Variants in CFAP20DC observed in about 807,000 individuals in gnomAD.
CFAP20DC encodes protein CFAP20DC.
CFAP20DC carries 84 observed loss-of-function variants against 101.7 expected under a neutral mutation model. The ratio of observed to expected loss-of-function variants is 0.83; its 90% CI spans 0.69 to 0.99. The LOEUF is 0.99. Among genes scored for constraint, CFAP20DC ranks in the 50% least tolerant of loss-of-function variants. The pLI is 0.00. For synonymous variants in CFAP20DC, 359 were observed against 351.2 expected (o/e 1.02, Z -0.25); for missense variants, 1,007 against 970.3 (o/e 1.04, Z -0.50).
chr3:58,783,752 T>C (rs893761799), intron 15 of CFAP20DC, among the ~76,000 whole-genome samples: 4 of 152,082 alleles, frequency 2.6e-5, no homozygotes, highest in Admixed American at 2.6e-4. Context: ...AGATATCGTC[T>C]GACCCCAGTC....
chr3:58,775,853 C>T (rs1394303841), intron 15 of CFAP20DC, among the ~76,000 whole-genome samples: 3 of 150,734 alleles, frequency 2.0e-5, no homozygotes, highest in Non-Finnish European at 4.4e-5. Context: ...TCAAGCGATT[C>T]TCCTGCCTCA....
rs1553720352 is a variant in CFAP20DC, at chr3:58,912,704, A to G, written c.550+1004T>C. 6.6e-6 allele frequency: 3 copies of G among 456,250 alleles called. No homozygotes were observed. Among genetic ancestry groups the G allele is most frequent in the South Asian group, 3.1e-5 (2 of 64,444 alleles). The allele number at this position is 456,250 out of a possible 1,614,324, so 28.3% of individuals were successfully genotyped here. On this transcript the variant is annotated intron_variant, in intron 6 of 16. Coordinates refer to ENST00000482387, the MANE Select transcript of CFAP20DC (RefSeq NM_001394063.1). This position sits in a 1 kb window ranked among gnomAD's most constrained non-coding sequence, Gnocchi z 4.4. ...GGTTGTTTAAAACCATCTGAGCAGT[A>G]TGGTGTGCTACCTTATGAATTCCAG...
chr3:58,747,621 TTTTTATGTG>T (rs2068296956), intron 16 of CFAP20DC, among the ~76,000 whole-genome samples: 1 of 152,184 alleles, frequency 6.6e-6, no homozygotes, highest in Non-Finnish European at 1.5e-5. Flanking sequence ...ATTGACTGTA[TTTTTATGTG>T]CATACTAATA....
intron 4 of CFAP20DC, among the ~76,000 whole-genome samples, chr3:59,025,473 T>C (rs1474856242): frequency 6.6e-6 from 1 of 152,212 alleles, no homozygotes; most frequent in African/African-American, 2.4e-5. Context: ...AACAGCAATG[T>C]ACTCTTATCT....
chr3:59,019,999 A>G (rs1041524454), intron 4 of CFAP20DC, among the ~76,000 whole-genome samples: 2 of 152,276 alleles, frequency 1.3e-5, no homozygotes, highest in Non-Finnish European at 2.9e-5. Flanking sequence ...CCTGTCTTCT[A>G]TAATATTTAG....
chr3:58,850,312 C>T (rs1333864780), intron 12 of CFAP20DC, among the ~76,000 whole-genome samples: 1 of 152,106 alleles, frequency 6.6e-6, no homozygotes, highest in East Asian at 1.9e-4. Context: ...TATGGCCAGG[C>T]ATGGCAGCTT....
At chr3:58,873,100 C>A (rs573358434) in intron 7 of CFAP20DC, among the ~76,000 whole-genome samples, 3 of 59,800 alleles carry the variant, frequency 5.0e-5, no homozygotes, top group Non-Finnish European at 1.1e-4. Context: ...CAGAAGTCTG[C>A]ATAGCTATTC....
chr3:58,850,695 A>G (rs1179701953), intron 12 of CFAP20DC, among the ~76,000 whole-genome samples: 1 of 152,182 alleles, frequency 6.6e-6, no homozygotes, highest in African/African-American at 2.4e-5. Context: ...AGAAAAAACA[A>G]AAAAGCACAG....
At chr3:58,917,286 AAC>A (rs200310077) in intron 5 of CFAP20DC, among the ~76,000 whole-genome samples, 1 of 151,624 alleles carries the variant, frequency 6.6e-6, no homozygotes, top group African/African-American at 2.4e-5. Flanking sequence ...AAATTCTGTG[AAC>A]ACACACACAC....
intron 12 of CFAP20DC, among the ~76,000 whole-genome samples, chr3:58,855,144 AAAAC>A (rs1181627433): frequency 2.6e-5 from 4 of 152,028 alleles, no homozygotes; most frequent in African/African-American, 7.3e-5. Flanking sequence ...TTACCAGAAA[AAAAC>A]AAACAACCCC....
intron 4 of CFAP20DC, among the ~76,000 whole-genome samples, chr3:58,989,598 A>G (rs576737097): frequency 6.6e-6 from 1 of 152,330 alleles, no homozygotes; most frequent in Admixed American, 6.5e-5. Context: ...ACAAATCTAT[A>G]AAAGTGAACT....
At chr3:58,944,805 C>G (rs1576425906) in intron 4 of CFAP20DC, among the ~76,000 whole-genome samples, 1 of 152,148 alleles carries the variant, frequency 6.6e-6, no homozygotes, top group South Asian at 2.1e-4. Flanking sequence ...GTGCCTCCAT[C>G]CATGATCCTG....
intron 4 of CFAP20DC, among the ~76,000 whole-genome samples, chr3:58,949,655 A>G (rs1332428976): frequency 2.6e-5 from 4 of 152,216 alleles, no homozygotes; most frequent in African/African-American, 9.6e-5. Context: ...AAACAGAACC[A>G]ATGACAAAAA....
At position 58,869,275 on chromosome 3, in the gene CFAP20DC, C is replaced by T. The variant is rs746964243; in HGVS notation, c.1015+53G>A. On this transcript the variant is annotated intron_variant, in intron 9 of 16. Transcript: ENST00000482387. This position sits in a 1 kb window ranked among gnomAD's most constrained non-coding sequence, Gnocchi z 4.3. ...AACTGCTGATTTATCTTAACAAGAA[C>T]ATTTCTCACTATTTTCACTAGCTAT... The T allele has an allele frequency of 2.2e-5, 31 of 1,413,306 alleles. No homozygotes were observed. Among genetic ancestry groups the T allele is most frequent in the Non-Finnish European group, 2.8e-5 (29 of 1,027,394 alleles). 87.5% of individuals were successfully genotyped at this position (1,413,306 alleles called of 1,614,324 possible). A position where few individuals can be genotyped will look rare whatever the true frequency, so the allele number is the denominator to read the frequency against.
intron 5 of CFAP20DC, among the ~76,000 whole-genome samples, chr3:58,922,182 T>C (rs1392706763): frequency 1.3e-5 from 2 of 152,208 alleles, no homozygotes; most frequent in African/African-American, 4.8e-5. Flanking sequence ...ATTTAGTCCA[T>C]TTCCACTTAA....
chr3:58,893,960 G>T (rs1441585088), intron 6 of CFAP20DC, among the ~76,000 whole-genome samples: 2 of 152,154 alleles, frequency 1.3e-5, no homozygotes, highest in African/African-American at 4.8e-5. Context: ...CTGTTACATG[G>T]ATGGCAGCAG....
chr3:58,947,942 A>G (rs2089570880), intron 4 of CFAP20DC, among the ~76,000 whole-genome samples: 1 of 152,178 alleles, frequency 6.6e-6, no homozygotes, highest in Admixed American at 6.5e-5. Flanking sequence ...GGGAGATGGG[A>G]GCACATAATC....
At chr3:58,759,391 T>C (rs1575568486) in intron 15 of CFAP20DC, among the ~76,000 whole-genome samples, 1 of 152,356 alleles carries the variant, frequency 6.6e-6, no homozygotes, top group South Asian at 2.1e-4. Flanking sequence ...GGTTGTTTTT[T>C]TCTTGTAAAT....
intron 5 of CFAP20DC, among the ~76,000 whole-genome samples, chr3:58,937,107 T>C (rs2087794212): frequency 3.3e-5 from 5 of 152,208 alleles, no homozygotes; most frequent in Admixed American, 6.5e-5. Flanking sequence ...TCAGAAGTTA[T>C]ACAACGTACT....
Sources: allele counts gnomAD v4.1 joint callset (sites outside exome capture counted in the v4.1 genomes callset), GRCh38; gene constraint gnomAD v4.1.1; non-coding constraint Gnocchi (gnomAD v3.1); transcripts MANE v1.5; gene names NCBI Gene and HGNC (gene_info 2026-07-23, HGNC 2026-07-21).